The following DIS3L2 variants were observed in gnomAD, a reference collection of about 807,000 sequenced individuals.
DIS3L2 encodes the protein DIS3 like 3'-5' exoribonuclease 2.
Under a neutral mutation model 97.5 loss-of-function variants are expected in DIS3L2, and 34 were observed. The observed-to-expected ratio is 0.35, with a 90% CI of 0.27 to 0.46. The LOEUF (loss-of-function observed/expected upper bound fraction) is 0.46. DIS3L2 is among the 20% of genes least tolerant of loss of function. The pLI is 1.00. For synonymous variants in DIS3L2, 435 were observed against 445.2 expected (o/e 0.98, Z 0.29); for missense variants, 1,038 against 1,146.0 (o/e 0.91, Z 1.36).
At chr2:232,260,597 A>G (rs1693689598) in intron 12 of DIS3L2, 1 of 152,260 alleles carries the variant, frequency 6.6e-6, no homozygotes, top group Non-Finnish European at 1.5e-5. Flanking sequence ...TAATATGGAA[A>G]GAATAGTTTC....
At chr2:232,149,557 T>C (rs1164490200) in intron 8 of DIS3L2, among the ~76,000 whole-genome samples, 1 of 149,030 alleles carries the variant, frequency 6.7e-6, no homozygotes, top group African/African-American at 2.6e-5. Context: ...TAGTATTCCA[T>C]GGTGTATTTG....
intron 8 of DIS3L2, among the ~76,000 whole-genome samples, chr2:232,162,775 C>G (rs1332537526): frequency 6.6e-6 from 1 of 152,194 alleles, no homozygotes; most frequent in Non-Finnish European, 1.5e-5. Flanking sequence ...TGTGGCATGA[C>G]AATGCTTATG....
At chr2:232,160,386 A>G (rs577905322) in intron 8 of DIS3L2, among the ~76,000 whole-genome samples, 24 of 152,308 alleles carry the variant, frequency 1.6e-4, no homozygotes, top group African/African-American at 5.8e-4. Flanking sequence ...GCATCTTTCA[A>G]GGAATTTGCC....
At chr2:232,143,105 C>T (rs1217891530) in intron 8 of DIS3L2, among the ~76,000 whole-genome samples, 1 of 152,128 alleles carries the variant, frequency 6.6e-6, no homozygotes, top group Admixed American at 6.6e-5. Context: ...CTAATCTTGA[C>T]TATTTAATGT....
chr2:232,229,821 C>T (rs1320340263), intron 10 of DIS3L2, among the ~76,000 whole-genome samples: 2 of 152,092 alleles, frequency 1.3e-5, no homozygotes, highest in Non-Finnish European at 2.9e-5. Flanking sequence ...GATGAGCTCA[C>T]CAGTTAAGGA....
intron 10 of DIS3L2, among the ~76,000 whole-genome samples, chr2:232,225,499 T>A (rs1692620648): frequency 6.6e-6 from 1 of 152,146 alleles, no homozygotes; most frequent in Non-Finnish European, 1.5e-5. Flanking sequence ...TCTAGTTATG[T>A]AAAATACAAA....
At chr2:232,194,093 G>T (rs1481580593) in intron 9 of DIS3L2, among the ~76,000 whole-genome samples, 1 of 152,030 alleles carries the variant, frequency 6.6e-6, no homozygotes, top group Non-Finnish European at 1.5e-5. Context: ...CTGGGTGACA[G>T]AGTAAGACTC....
At chr2:232,003,966 A>G (rs1246040027) in intron 1 of DIS3L2, among the ~76,000 whole-genome samples, 3 of 152,122 alleles carry the variant, frequency 2.0e-5, no homozygotes, top group Non-Finnish European at 4.4e-5. Context: ...CACTCAGTTT[A>G]TTGAATCTAT....
chr2:232,272,797 G>A (rs1013640399), intron 13 of DIS3L2, among the ~76,000 whole-genome samples: 1 of 152,196 alleles, frequency 6.6e-6, no homozygotes, highest in Non-Finnish European at 1.5e-5. Context: ...GCCCTTGTGC[G>A]ACCTTCTCTG....
At chr2:232,129,311 A>C (rs1267230781) in intron 6 of DIS3L2, among the ~76,000 whole-genome samples, 2 of 152,226 alleles carry the variant, frequency 1.3e-5, no homozygotes, top group African/African-American at 4.8e-5. Context: ...TTTGTTCTGC[A>C]GAGCACATTG....
In DIS3L2 at chr2:232,200,780, GT is replaced by G. The variant is rs1183177130; in HGVS notation, c.1125-9524del. On this transcript the variant is annotated intron_variant, in intron 9 of 20. Transcript: ENST00000325385. Reference sequence around the variant, plus strand: ...AGATGCTGAAACCATTGACCAAAAGGTTTTTTTTTTTTTTTTTTTTTTGAGA... The same window carrying G: ...AGATGCTGAAACCATTGACCAAAAGGTTTTTTTTTTTTTTTTTTTTTGAGA... 1.6e-3 allele frequency among the ~76,000 whole-genome samples: 194 copies of G among 124,790 alleles called. 1 individual carries two copies. The highest frequency in any genetic ancestry group is 1.9e-3 in the African/African-American group (72 of 37,100). The allele number at this position is 124,790 out of a possible 152,430, so 81.9% of individuals were successfully genotyped here.
intron 3 of DIS3L2, among the ~76,000 whole-genome samples, chr2:232,016,216 A>G (rs1054807802): frequency 6.6e-6 from 1 of 152,224 alleles, no homozygotes; most frequent in Admixed American, 6.5e-5. Flanking sequence ...TTTACAAACT[A>G]TGTTTACAAG....
At chr2:232,249,045 A>G (rs1348817018) in intron 11 of DIS3L2, among the ~76,000 whole-genome samples, 194 bp from the exon 12 acceptor site, 1 of 152,132 alleles carries the variant, frequency 6.6e-6, no homozygotes, top group African/African-American at 2.4e-5. Context: ...CCCAGCTCAT[A>G]TTCCTATTTG....
At chr2:232,218,653 C>A (rs1692412725) in intron 10 of DIS3L2, among the ~76,000 whole-genome samples, 1 of 152,206 alleles carries the variant, frequency 6.6e-6, no homozygotes, top group South Asian at 2.1e-4. Context: ...ATGGCATCAG[C>A]TGGCGTCTAA....
chr2:232,078,903 T>C (rs1443522726), intron 5 of DIS3L2, among the ~76,000 whole-genome samples: 1 of 152,232 alleles, frequency 6.6e-6, no homozygotes, highest in Non-Finnish European at 1.5e-5. Flanking sequence ...GGGAAGATTA[T>C]GTGGTGGATT....
intron 8 of DIS3L2, among the ~76,000 whole-genome samples, chr2:232,160,139 A>T (rs1690608599): frequency 6.6e-6 from 1 of 152,184 alleles, no homozygotes; most frequent in African/African-American, 2.4e-5. Context: ...AACTAGTTGG[A>T]AAGTATGCCA....
chr2:232,112,167 T>C (rs1697555328), intron 6 of DIS3L2, among the ~76,000 whole-genome samples: 1 of 152,194 alleles, frequency 6.6e-6, no homozygotes, highest in South Asian at 2.1e-4. Flanking sequence ...AGGGCTTCTT[T>C]GTGGTAAAAG....
intron 12 of DIS3L2, among the ~76,000 whole-genome samples, 184 bp downstream of exon 12, chr2:232,249,530 G>A (rs905400459): frequency 2.0e-5 from 3 of 152,216 alleles, no homozygotes; most frequent in Non-Finnish European, 4.4e-5. Flanking sequence ...CCACTTAGAA[G>A]CCAAGACTGA....
intron 6 of DIS3L2, among the ~76,000 whole-genome samples, chr2:232,104,515 T>C (rs1697300053): frequency 6.6e-6 from 1 of 152,194 alleles, no homozygotes; most frequent in South Asian, 2.1e-4. Context: ...CCACTACCAC[T>C]ATTTCCCAAA....
Sources: gnomAD v4.1 joint callset for allele counts (sites outside exome capture counted in the v4.1 genomes callset) on GRCh38, gnomAD v4.1.1 for gene constraint, MANE v1.5 for transcripts, NCBI Gene and HGNC (gene_info 2026-07-23, HGNC 2026-07-21) for gene names.